MRTFA: variants seen among roughly 807,000 people sequenced by gnomAD.
MRTFA encodes myocardin-related transcription factor A.
Under a neutral mutation model 83.5 loss-of-function variants are expected in MRTFA, and 20 were observed. That is an observed-to-expected ratio of 0.24 (90% CI 0.17 to 0.35). The LOEUF is 0.35. Among genes scored for constraint, MRTFA ranks in the 10% least tolerant of loss-of-function variants. The pLI is 1.00. For synonymous variants in MRTFA, 659 were observed against 541.2 expected (o/e 1.22, Z -3.02); for missense variants, 1,200 against 1,224.7 (o/e 0.98, Z 0.30).
chr22:40,491,570 A>G (rs542305188), intron 3 of MRTFA, among the ~76,000 whole-genome samples: 15 of 152,348 alleles, frequency 9.8e-5, no homozygotes, highest in African/African-American at 2.9e-4. Context: ...AGAAACTGAA[A>G]TGATCATCAA....
chr22:40,511,804 G>A (rs2054672827), intron 3 of MRTFA, among the ~76,000 whole-genome samples: 1 of 152,218 alleles, frequency 6.6e-6, no homozygotes, highest in Admixed American at 6.5e-5. Context: ...GGTCCAGCAA[G>A]CAGTGCTAGA....
At chr22:40,547,796 G>A (rs539780421) in intron 3 of MRTFA, among the ~76,000 whole-genome samples, 1 of 151,212 alleles carries the variant, frequency 6.6e-6, no homozygotes, top group African/African-American at 2.4e-5. Flanking sequence ...AGAGGTTGCC[G>A]TGAGCTGAGA....
intron 2 of MRTFA, among the ~76,000 whole-genome samples, chr22:40,561,884 C>G (rs183101233): frequency 1.3e-5 from 2 of 152,230 alleles, no homozygotes; most frequent in African/African-American, 4.8e-5. Context: ...AGGGTCTAGA[C>G]TTTAAGAGGA....
At chr22:40,524,084 C>T (rs2054918290) in intron 3 of MRTFA, among the ~76,000 whole-genome samples, 1 of 152,108 alleles carries the variant, frequency 6.6e-6, no homozygotes, top group Non-Finnish European at 1.5e-5. Flanking sequence ...AATGCACTTT[C>T]AAAAAATTAA....
At chr22:40,630,322 A>G (rs1312982433) in intron 1 of MRTFA, among the ~76,000 whole-genome samples, 1 of 152,042 alleles carries the variant, frequency 6.6e-6, no homozygotes, top group Non-Finnish European at 1.5e-5. Flanking sequence ...TCTCTCAAAA[A>G]ATAAAAATAA....
rs372874080 is a variant in MRTFA at position 40,566,223 on chromosome 22, A to ATT, written c.-21-13858_-21-13857dup. On this transcript the variant is annotated intron_variant, in intron 2 of 14. Transcript: ENST00000355630. ...ATGGAGTGATATGATCTGATTTATC[A>ATT]TTTTTTTTTTTTTTTGAGACAGAGT... Among the ~76,000 whole-genome samples the ATT allele has an allele frequency of 1.1e-3, 152 of 143,154 alleles. 2 individuals are homozygous for ATT. The Middle Eastern group carries it at 0.015, about 14-fold the overall frequency. 93.9% of individuals were successfully genotyped at this position (143,154 alleles called of 152,430 possible).
At chr22:40,413,228 G>T (rs765366485) in intron 14 of MRTFA, among the ~76,000 whole-genome samples, 1 of 151,702 alleles carries the variant, frequency 6.6e-6, no homozygotes, top group African/African-American at 2.4e-5. Context: ...GGCTGGGACA[G>T]GAGGATTGGC....
In MRTFA at chr22:40,423,545, T is replaced by A; in HGVS notation, c.918A>T (p.Thr306=). 6.5e-7 allele frequency: 1 copy of A among 1,546,378 alleles called. No individual in the cohort carries two copies. Among genetic ancestry groups the A allele is most frequent in the Non-Finnish European group, 8.7e-7 (1 of 1,143,014 alleles). ...ACTGGCAGAAATGTACCTTAATGAG[T>A]GTGGGGGTGGACTTGGCAGTGGGGA... Residue 306 remains threonine, a synonymous_variant, in exon 9 of 15, where the codon ACA becomes ACT. Coordinates refer to ENST00000355630, the MANE Select transcript of MRTFA (RefSeq NM_020831.6).
At chr22:40,447,748 T>G (rs1312462909) in intron 4 of MRTFA, among the ~76,000 whole-genome samples, 1 of 152,228 alleles carries the variant, frequency 6.6e-6, no homozygotes, top group Non-Finnish European at 1.5e-5. Context: ...TTCTCAGTAC[T>G]TACTATTTTC....
At chr22:40,580,341 G>C (rs1432349153) in intron 2 of MRTFA, among the ~76,000 whole-genome samples, 1 of 151,956 alleles carries the variant, frequency 6.6e-6, no homozygotes, top group Non-Finnish European at 1.5e-5. Flanking sequence ...TGGGACTACA[G>C]GCGTGCACCA....
At chr22:40,514,426 G>A (rs867925658) in intron 3 of MRTFA, among the ~76,000 whole-genome samples, 133 of 151,724 alleles carry the variant, frequency 8.8e-4, no homozygotes, top group Middle Eastern at 3.4e-3. Flanking sequence ...AATGAATGGT[G>A]GGGAGGGGGG....
intron 3 of MRTFA, among the ~76,000 whole-genome samples, chr22:40,476,279 T>C (rs2053996058): frequency 6.6e-6 from 1 of 151,740 alleles, no homozygotes. Flanking sequence ...CGCCCACGAG[T>C]CTGTCCTGAT....
intron 2 of MRTFA, among the ~76,000 whole-genome samples, chr22:40,588,519 C>G (rs1367721550): frequency 6.6e-6 from 1 of 152,168 alleles, no homozygotes; most frequent in African/African-American, 2.4e-5. Context: ...TCCAAATACC[C>G]TTTGGATATA....
At chr22:40,473,008 G>A (rs2053940454) in intron 3 of MRTFA, among the ~76,000 whole-genome samples, 1 of 152,142 alleles carries the variant, frequency 6.6e-6, no homozygotes, top group Non-Finnish European at 1.5e-5. Flanking sequence ...GGAAGAAAAT[G>A]GCTAAAGAAC....
Position 40,459,151 on chromosome 22 carries a change from G to C in MRTFA, c.307+4070C>G, listed in dbSNP as rs1410049425. Among the ~76,000 whole-genome samples the C allele has an allele frequency of 2.0e-5, 3 of 151,038 alleles. No individual in the cohort carries two copies. In the East Asian group the frequency reaches 5.9e-4, roughly 29 times the overall value. The stretch of plus-strand genomic sequence containing the variant: ...GAGTCAGCAGGATGACGGGGTGTTG[G>C]GGCGGCAGAGGATGTTGGAGATTAC... On this transcript the variant is annotated intron_variant, in intron 4 of 14. Coordinates refer to ENST00000355630, the MANE Select transcript of MRTFA (RefSeq NM_020831.6).
chr22:40,427,076 A>G (rs959571897), intron 7 of MRTFA, among the ~76,000 whole-genome samples: 1 of 152,152 alleles, frequency 6.6e-6, no homozygotes, highest in Non-Finnish European at 1.5e-5. Flanking sequence ...CACAAGTCAT[A>G]TTTTATTCAT....
rs781575998 is a variant in MRTFA, at chr22:40,429,594, G to C, written c.601+12C>G. The C allele has an allele frequency of 4.8e-5, 77 of 1,614,018 alleles. No homozygotes were observed. In the Middle Eastern group the frequency reaches 8.2e-4, roughly 17 times the overall value. On this transcript the variant is annotated intron_variant, in intron 7 of 14. Transcript: ENST00000355630. ...AGCTGCCTCTCACACAGGGTGGCTG[G>C]GTCCTCCTCACCAATGATGGCTTCC...
intron 3 of MRTFA, among the ~76,000 whole-genome samples, chr22:40,524,693 CA>C: frequency 6.6e-6 from 1 of 152,066 alleles, no homozygotes; most frequent in Non-Finnish European, 1.5e-5. Flanking sequence ...TCCAAATTAA[CA>C]GCTCTATCTC....
chr22:40,569,716 AATACATAC>A (rs67146133), intron 2 of MRTFA: 56,392 of 142,048 alleles, frequency 0.4, 11,759 homozygotes, highest in Non-Finnish European at 0.45. Context: ...CTCCATAATT[AATACATAC>A]ATACATACAT....
Sources: gnomAD v4.1 joint callset for allele counts (sites outside exome capture counted in the v4.1 genomes callset) on GRCh38, gnomAD v4.1.1 for gene constraint, MANE v1.5 for transcripts, NCBI Gene and HGNC (gene_info 2026-07-23, HGNC 2026-07-21) for gene names.